SLIT3: variants seen among roughly 807,000 people sequenced by gnomAD.
SLIT3 encodes slit guidance ligand 3.
A neutral mutation model predicts 184.0 loss-of-function variants in SLIT3; 68 were observed. The ratio of observed to expected loss-of-function variants is 0.37; its 90% confidence interval spans 0.30 to 0.45. The LOEUF (loss-of-function observed/expected upper bound fraction) is 0.45. Ranked by LOEUF, SLIT3 falls within the 20% of genes least tolerant of loss-of-function variation. The probability of loss-of-function intolerance (pLI) is 1.00; values close to 1 mark genes in which losing one functional copy is unlikely to be tolerated. For missense variants in SLIT3, 1,707 were observed against 2,026.0 expected, an observed-to-expected ratio of 0.84 and a Z score of 3.02; for synonymous variants, 831 against 828.6, an observed-to-expected ratio of 1.00 and a Z score of -0.05.
intron 4 of SLIT3, among the ~76,000 whole-genome samples, chr5:168,919,491 T>G (rs1472695795): frequency 6.6e-6 from 1 of 152,108 alleles, no homozygotes; most frequent in Non-Finnish European, 1.5e-5. Flanking sequence ...AACAGTAAAC[T>G]TTAAAATGGG....
chr5:168,781,411 C>T (rs1755965374), intron 12 of SLIT3, among the ~76,000 whole-genome samples: 1 of 152,148 alleles, frequency 6.6e-6, no homozygotes, highest in Non-Finnish European at 1.5e-5. Flanking sequence ...CATTCAATGA[C>T]TAGCATGGAA....
At chr5:168,940,155 G>C (rs1467496848) in intron 4 of SLIT3, among the ~76,000 whole-genome samples, 1 of 152,188 alleles carries the variant, frequency 6.6e-6, no homozygotes, top group African/African-American at 2.4e-5. Context: ...AATAGCCCTT[G>C]GTAAGTGCCA....
chr5:168,700,530 G>T (rs1033827804), intron 27 of SLIT3, 52 bp downstream of exon 27: 5 of 1,242,464 alleles, frequency 4.0e-6, no homozygotes, highest in East Asian at 4.6e-5. Context: ...GTCTTTATTA[G>T]CAGTGTGAGA....
At chr5:168,772,577 T>C (rs1755592703) in intron 14 of SLIT3, 1 of 581,046 alleles carries the variant, frequency 1.7e-6, no homozygotes, top group African/African-American at 1.9e-5. Flanking sequence ...TTATTGTGTG[T>C]GTGTGTGTGT....
At chr5:168,671,614 G>A (rs1290347368) in intron 33 of SLIT3, 131 bp from the exon 34 acceptor site, 14 of 1,040,876 alleles carry the variant, frequency 1.3e-5, no homozygotes, top group Non-Finnish European at 1.8e-5. Context: ...CGAGGTTAAC[G>A]GGCCAAAACC....
chr5:168,850,474 T>C (rs1387497848), intron 5 of SLIT3, among the ~76,000 whole-genome samples: 3 of 152,246 alleles, frequency 2.0e-5, no homozygotes, highest in Non-Finnish European at 4.4e-5. Flanking sequence ...TAAATACAAA[T>C]ATATATAACT....
At chr5:169,221,743 T>C (rs953495653) in intron 3 of SLIT3, among the ~76,000 whole-genome samples, 10 of 152,200 alleles carry the variant, frequency 6.6e-5, no homozygotes, top group Admixed American at 3.9e-4. Context: ...TGTCTGCCTT[T>C]CATCACGTCT....
rs528993521 is a variant in SLIT3 at position 168,925,437 on chromosome 5, T to A, written c.414-42101A>T. Among the ~76,000 whole-genome samples the A allele has an allele frequency of 6.6e-5, 10 of 152,258 alleles. No individual in the cohort carries two copies. In the South Asian group the frequency reaches 2.1e-3, roughly 32 times the overall value. Reference sequence around the variant, plus strand: ...GTAGCTCCAGAGCGACACCATGACTTGCACCAGCAAGAGGGTTCCCTGGCA... The same window carrying A: ...GTAGCTCCAGAGCGACACCATGACTAGCACCAGCAAGAGGGTTCCCTGGCA... On this transcript the variant is annotated intron_variant, in intron 4 of 35. Coordinates refer to ENST00000519560, the MANE Select transcript of SLIT3 (RefSeq NM_003062.4).
At chr5:169,178,765 T>C (rs1348145071) in intron 4 of SLIT3, among the ~76,000 whole-genome samples, 2 of 152,214 alleles carry the variant, frequency 1.3e-5, no homozygotes, top group Non-Finnish European at 2.9e-5. Flanking sequence ...ACCCAATTCA[T>C]TTAATGAATA....
chr5:168,834,956 A>G (rs560332690), intron 6 of SLIT3, among the ~76,000 whole-genome samples: 169 of 152,284 alleles, frequency 1.1e-3, no homozygotes, highest in African/African-American at 3.9e-3. Context: ...GCCATGAGCT[A>G]CACGTGGCAA....
intron 4 of SLIT3, among the ~76,000 whole-genome samples, chr5:169,179,697 T>A (rs1763094928): frequency 6.6e-6 from 1 of 152,196 alleles, no homozygotes; most frequent in Non-Finnish European, 1.5e-5. Context: ...TATGTGTGTG[T>A]GTGTGTCTGT....
At chr5:168,678,639 C>T (rs538109103) in intron 32 of SLIT3, among the ~76,000 whole-genome samples, 5 of 152,032 alleles carry the variant, frequency 3.3e-5, no homozygotes, top group South Asian at 2.1e-4. Context: ...GCCAAGATCG[C>T]GCTACTGCAC....
intron 25 of SLIT3, chr5:168,708,561 G>T (rs2113309716): frequency 5.6e-6 from 1 of 178,314 alleles, no homozygotes; most frequent in Non-Finnish European, 1.2e-5. Flanking sequence ...CACAGAGGAA[G>T]TCCCCCCTGG....
At chr5:168,690,604 T>G (rs1311138943) in intron 29 of SLIT3, among the ~76,000 whole-genome samples, 1 of 152,146 alleles carries the variant, frequency 6.6e-6, no homozygotes, top group East Asian at 1.9e-4. Context: ...TTCGTAAAGA[T>G]CAGCAGTGAA....
intron 4 of SLIT3, among the ~76,000 whole-genome samples, chr5:168,996,562 C>A (rs748139757): frequency 6.6e-6 from 1 of 152,200 alleles, no homozygotes; most frequent in African/African-American, 2.4e-5. Flanking sequence ...TAACGTCAAG[C>A]GCTTCGTGAT....
At chr5:168,722,493 C>A (rs527975158) in intron 22 of SLIT3, among the ~76,000 whole-genome samples, 166 bp from the exon 23 acceptor site, 4 of 152,204 alleles carry the variant, frequency 2.6e-5, no homozygotes, top group African/African-American at 9.7e-5. Context: ...ATCCAGGAAG[C>A]GCACTGGCTT....
intron 4 of SLIT3, among the ~76,000 whole-genome samples, chr5:168,897,270 T>A (rs996970782): frequency 6.6e-6 from 1 of 152,142 alleles, no homozygotes; most frequent in Non-Finnish European, 1.5e-5. Flanking sequence ...GCAGGACTCC[T>A]TGGATGTCTT....
intron 4 of SLIT3, among the ~76,000 whole-genome samples, chr5:169,151,247 A>C (rs1006647482): frequency 2.0e-5 from 3 of 152,126 alleles, no homozygotes; most frequent in African/African-American, 7.2e-5. Flanking sequence ...CTTTCATTAA[A>C]TGCATCATTT....
intron 4 of SLIT3, among the ~76,000 whole-genome samples, chr5:169,132,119 C>T (rs960472039): frequency 1.3e-5 from 2 of 152,096 alleles, no homozygotes; most frequent in African/African-American, 4.8e-5. Flanking sequence ...TTGAAGTACC[C>T]CACATGTCCA....
Sources: allele counts gnomAD v4.1 joint callset (sites outside exome capture counted in the v4.1 genomes callset), GRCh38; gene constraint gnomAD v4.1.1; transcripts MANE v1.5; gene names NCBI Gene and HGNC (gene_info 2026-07-23, HGNC 2026-07-21).